The following ZNF662 variants were observed in gnomAD, a reference collection of about 807,000 sequenced individuals.
ZNF662 encodes the protein zinc finger protein 662.
Under a neutral mutation model 12.4 loss-of-function variants are expected in ZNF662, and 14 were observed. The observed-to-expected ratio is 1.13, with a 90% CI of 0.75 to 1.77. The LOEUF is 1.77. ZNF662 is among the 40% of genes most tolerant of loss of function. The pLI, the probability that ZNF662 is intolerant of heterozygous loss-of-function variation, is 0.00. For missense variants in ZNF662, 550 were observed against 515.6 expected, an observed-to-expected ratio of 1.07 and a Z score of -0.65; for synonymous variants, 184 against 176.4, an observed-to-expected ratio of 1.04 and a Z score of -0.34.
intron 3 of ZNF662, among the ~76,000 whole-genome samples, chr3:42,912,802 C>T (rs1378362232): frequency 7.0e-6 from 1 of 143,376 alleles, no homozygotes; most frequent in Admixed American, 7.5e-5. Context: ...AGCAGTGACA[C>T]AGTCTCGGCT....
At chr3:42,907,915 C>T in intron 1 of ZNF662, 107 bp from the exon 2 acceptor site, 3 of 1,459,516 alleles carry the variant, frequency 2.1e-6, no homozygotes, top group Middle Eastern at 2.2e-4. Flanking sequence ...ATTCAGAATC[C>T]AGAATCCCCA....
chr3:42,910,557 A>T (rs753516854), intron 3 of ZNF662, among the ~76,000 whole-genome samples: 1 of 152,132 alleles, frequency 6.6e-6, no homozygotes, highest in African/African-American at 2.4e-5. Context: ...GCCTGTTTAC[A>T]GTCTTCCAGC....
intron 3 of ZNF662, among the ~76,000 whole-genome samples, chr3:42,909,484 C>T (rs1377088299): frequency 6.6e-6 from 1 of 152,202 alleles, no homozygotes; most frequent in African/African-American, 2.4e-5. Context: ...GACACAGTAA[C>T]AATCTGATCT....
At chr3:42,910,630 T>C (rs994023832) in intron 3 of ZNF662, among the ~76,000 whole-genome samples, 1 of 152,186 alleles carries the variant, frequency 6.6e-6, no homozygotes, top group Non-Finnish European at 1.5e-5. Context: ...AGCCAGATAG[T>C]TCCTATTCCT....
Position 42,916,699 on chromosome 3 carries a change from TA to T in ZNF662, c.*1346del, listed in dbSNP as rs547913915. Reference sequence around the variant, plus strand: ...TTAAGAGACCTCATTGCCTTTGTTTTATGAGATATCATTCTGGGATTGGGAA... The same window carrying T: ...TTAAGAGACCTCATTGCCTTTGTTTTTGAGATATCATTCTGGGATTGGGAA... On this transcript the variant is annotated 3_prime_UTR_variant, in exon 5 of 5. Transcript: ENST00000440367. The T allele has an allele frequency of 7.9e-5, 12 of 152,312 alleles. No homozygotes were observed. The highest frequency in any genetic ancestry group is 2.6e-4 in the African/African-American group (11 of 41,570). The allele number at this position is 152,312 out of a possible 1,614,324, so 9.4% of individuals were successfully genotyped here.
chr3:42,912,936 T>C (rs1324659397), intron 3 of ZNF662, among the ~76,000 whole-genome samples: 3 of 150,358 alleles, frequency 2.0e-5, no homozygotes, highest in African/African-American at 7.4e-5. Context: ...GGAGATGGGG[T>C]TTCACCATGT....
At chr3:42,911,183 A>G (rs1463124479) in intron 3 of ZNF662, among the ~76,000 whole-genome samples, 1 of 152,212 alleles carries the variant, frequency 6.6e-6, no homozygotes, top group Non-Finnish European at 1.5e-5. Flanking sequence ...ATCCTGTGGC[A>G]AGGTAACTAC....
chr3:42,918,789 GA>G lies in ZNF662; in HGVS notation c.*3437del, dbSNP rs2088921291. Among the ~76,000 whole-genome samples, 1 of 152,084 alleles carries G rather than the reference GA, an allele frequency of 6.6e-6. No homozygotes were observed. The highest frequency in any genetic ancestry group is 1.5e-5 in the Non-Finnish European group (1 of 68,040). Reference sequence around the variant, plus strand: ...CCATCATTTGAGGTTCCAATTGCATGAACATTCAGAGTTCAATGGCCTGAAG... The same window carrying G: ...CCATCATTTGAGGTTCCAATTGCATGACATTCAGAGTTCAATGGCCTGAAG... On this transcript the variant is annotated 3_prime_UTR_variant, in exon 5 of 5. Transcript: ENST00000440367.
At chr3:42,907,335 C>T (rs1022040133) in intron 1 of ZNF662, among the ~76,000 whole-genome samples, 17 of 151,992 alleles carry the variant, frequency 1.1e-4, no homozygotes, top group African/African-American at 3.6e-4. Flanking sequence ...GAGGATCTGC[C>T]CTGTTGAGTA....
chr3:42,912,638 T>TTTTATATATATATAAATATATATATA (rs1559381436), intron 3 of ZNF662, among the ~76,000 whole-genome samples: 16 of 74,998 alleles, frequency 2.1e-4, no homozygotes, highest in Non-Finnish European at 4.2e-4. Flanking sequence ...TATTTATATA[T>TTTTATATATATATAAATATATATATA]TTTATATATA....
intron 1 of ZNF662, chr3:42,907,729 C>T (rs1324108908): frequency 1.0e-6 from 1 of 985,338 alleles, no homozygotes; most frequent in African/African-American, 1.7e-5. Context: ...GGACCTAGAG[C>T]ACAGATGTGG....
chr3:42,907,879 C>T (rs187224869), intron 1 of ZNF662, 143 bp from the exon 2 acceptor site: 189 of 1,391,044 alleles, frequency 1.4e-4, no homozygotes, highest in Admixed American at 6.7e-4. Context: ...AGGCAAAAAT[C>T]TTCTGCTGAT....
intron 3 of ZNF662, among the ~76,000 whole-genome samples, chr3:42,912,519 T>A (rs2088817560): frequency 1.0e-5 from 1 of 99,612 alleles, no homozygotes; most frequent in Non-Finnish European, 1.8e-5. Flanking sequence ...TTTGTATATT[T>A]AATATATAAA....
chr3:42,916,340 C>T lies in ZNF662; in HGVS notation c.*986C>T, dbSNP rs977340689. 1.3e-5 allele frequency: 2 copies of T among 148,514 alleles called. No homozygotes were observed. The highest frequency in any genetic ancestry group is 3.0e-5 in the Non-Finnish European group (2 of 67,236). The allele number at this position is 148,514 out of a possible 1,614,324, so 9.2% of individuals were successfully genotyped here. A position where few individuals can be genotyped will look rare whatever the true frequency, so the allele number is the denominator to read the frequency against. ...AGGCCACCAAAGTAATTTAGGGAAA[C>T]AGCAGAGGGTAATCCAGGTCTTTTT... On this transcript the variant is annotated 3_prime_UTR_variant, in exon 5 of 5. Coordinates refer to ENST00000440367, the MANE Select transcript of ZNF662 (RefSeq NM_207404.4).
Position 42,908,083 on chromosome 3 carries a change from G to A in ZNF662, c.-32G>A. 6.2e-7 allele frequency: 1 copy of A among 1,614,190 alleles called. No individual in the cohort carries two copies. Among genetic ancestry groups the A allele is most frequent in the South Asian group, 1.1e-5 (1 of 91,078 alleles). ...TCTGAGAACGAATGGATCGGCCTGG[G>A]CCCTGCTCAGAGAGCCCTGTACAGG... On this transcript the variant is annotated 5_prime_UTR_variant, in exon 2 of 5. Transcript: ENST00000440367.
In ZNF662 at chr3:42,918,387, C is replaced by T. The variant is rs1407207753; in HGVS notation, c.*3033C>T. ...CACTAAACTGAATACCAGGCCACCA[C>T]ACATGAGCTGAAGAGCCTAGTCTTC... On this transcript the variant is annotated 3_prime_UTR_variant, in exon 5 of 5. Transcript: ENST00000440367. 1.3e-5 allele frequency among the ~76,000 whole-genome samples: 2 copies of T among 152,110 alleles called. No homozygotes were observed. Among genetic ancestry groups the T allele is most frequent in the Non-Finnish European group, 2.9e-5 (2 of 68,016 alleles).
rs775674577 is a variant in ZNF662 at position 42,915,333 on chromosome 3, C to A, written c.1260C>A (p.Ile420=). 2 of 1,578,518 alleles carry A rather than the reference C, an allele frequency of 1.3e-6. No individual in the cohort carries two copies. The highest frequency in any genetic ancestry group is 1.7e-6 in the Non-Finnish European group (2 of 1,165,254). The change falls in exon 5 of 5, where the codon ATC becomes ATA. Residue 420 remains isoleucine (I), a synonymous_variant. Coordinates refer to ENST00000440367, the MANE Select transcript of ZNF662 (RefSeq NM_207404.4). ...HARDKPYNCQ[I]SHLLEH ...GAGACAAACCCTATAACTGTCAGAT[C>A]TCTCACCTTCTTGAACATTAGAGAG...
intron 3 of ZNF662, 46 bp downstream of exon 3, chr3:42,908,955 A>G (rs2088726117): frequency 1.4e-6 from 2 of 1,382,566 alleles, no homozygotes; most frequent in Middle Eastern, 1.8e-4. Context: ...TTTTCTTGTC[A>G]TGATCTTTAA....
chr3:42,906,439 C>T lies in ZNF662; in HGVS notation c.-94+271C>T, dbSNP rs981108346. ...ACAGCCCGCGCTGCCCCGGGCGCGC[C>T]GGGTGAGTGCGGGGCCGGAGCCTGG... On this transcript the variant is annotated intron_variant, in intron 1 of 4. Transcript: ENST00000440367. The surrounding 1 kb of genome is among the most constrained non-coding windows in gnomAD (Gnocchi z 4.4). 3.4e-6 allele frequency: 5 copies of T among 1,455,724 alleles called. No individual in the cohort carries two copies. In the African/African-American group the frequency reaches 5.9e-5, roughly 17 times the overall value. The allele number at this position is 1,455,724 out of a possible 1,614,324, so 90.2% of individuals were successfully genotyped here. A position where few individuals can be genotyped will look rare whatever the true frequency, so the allele number is the denominator to read the frequency against.
Sources: allele counts gnomAD v4.1 joint callset (sites outside exome capture counted in the v4.1 genomes callset), GRCh38; gene constraint gnomAD v4.1.1; non-coding constraint Gnocchi (gnomAD v3.1); transcripts MANE v1.5; gene names NCBI Gene and HGNC (gene_info 2026-07-23, HGNC 2026-07-21).